The following RNF207 variants were observed in gnomAD, a reference collection of about 807,000 sequenced individuals.
RNF207 encodes the protein OTTHUMG00000001089.
Under a neutral mutation model 79.0 loss-of-function variants are expected in RNF207, and 72 were observed. The observed-to-expected ratio is 0.91, with a 90% confidence interval of 0.75 to 1.11. The LOEUF is 1.11. Ranked by LOEUF, RNF207 falls within the 50% of genes least tolerant of loss-of-function variation. The pLI, the probability that RNF207 is intolerant of heterozygous loss-of-function variation, is 0.00. For synonymous variants in RNF207, 348 were observed against 366.2 expected, an observed-to-expected ratio of 0.95 and a Z score of 0.57; for missense variants, 936 against 855.8, an observed-to-expected ratio of 1.09 and a Z score of -1.17.
In RNF207 at chr1:6,211,548, C is replaced by T. The variant is rs1668166908; in HGVS notation, c.1110-319C>T. ...TGTGTGTGTCCAGGGGCCCCAAGAC[C>T]AAGAGAGACTGGGCCCACACTTCCT... On this transcript the variant is annotated intron_variant, in intron 12 of 17. Transcript: ENST00000377939. This position sits in a 1 kb window ranked among gnomAD's most constrained non-coding sequence, Gnocchi z 4.2. Among the ~76,000 whole-genome samples the T allele has an allele frequency of 6.6e-6, 1 of 152,148 alleles. No individual in the cohort carries two copies. The highest frequency in any genetic ancestry group is 1.5e-5 in the Non-Finnish European group (1 of 68,002).
intron 16 of RNF207, among the ~76,000 whole-genome samples, chr1:6,216,795 C>T (rs1176135990): frequency 6.6e-6 from 1 of 151,050 alleles, no homozygotes; most frequent in African/African-American, 2.4e-5. Context: ...GTCTCGATCT[C>T]CTGACCTCGT....
chr1:6,210,836 C>G, intron 10 of RNF207, 34 bp from the exon 11 acceptor site: 2 of 1,564,198 alleles, frequency 1.3e-6, no homozygotes, highest in African/African-American at 2.7e-5. Flanking sequence ...GCTGCCACAC[C>G]TCCACCGGCC....
chr1:6,215,326 C>T (rs1245762405), intron 16 of RNF207, among the ~76,000 whole-genome samples: 1 of 147,722 alleles, frequency 6.8e-6, no homozygotes, highest in African/African-American at 2.6e-5. Context: ...CTGCACCCGG[C>T]CCCCCTTTTT....
At chr1:6,212,547 T>C in intron 14 of RNF207, 131 bp downstream of exon 14, 3 of 1,235,200 alleles carry the variant, frequency 2.4e-6, no homozygotes, top group Non-Finnish European at 3.5e-6. Context: ...GTCTGGAAAC[T>C]GGGAGTCTTT....
Position 6,209,516 on chromosome 1 carries a change from C to A in RNF207, c.730C>A (p.His244Asn). 1.4e-6 allele frequency: 2 copies of A among 1,471,604 alleles called. No individual in the cohort carries two copies. The highest frequency in any genetic ancestry group is 2.8e-5 in the South Asian group (2 of 70,312). The allele number at this position is 1,471,604 out of a possible 1,614,324, so 91.2% of individuals were successfully genotyped here. ...HSAAEEEDAI[H>N]ALFGSMQDRL... ...CGCCGCCGAGGAGGAGGACGCTATC[C>A]ACGCCCTCTTCGGCAGCATGCAGGT... The change falls in exon 7 of 18, where the codon CAC becomes AAC. Residue 244 changes from histidine (H) to asparagine (N), a missense_variant. Transcript: ENST00000377939.
intron 14 of RNF207, 126 bp downstream of exon 14, chr1:6,212,542 G>C: frequency 1.6e-6 from 2 of 1,242,286 alleles, no homozygotes; most frequent in South Asian, 2.6e-5. Context: ...GCAGGGTCTG[G>C]AAACTGGGAG....
chr1:6,218,331 C>T lies in RNF207; in HGVS notation c.1695C>T (p.Asn565=), dbSNP rs878884918. ...ATGAGCAGTCAGAGAGTCTACAGAA[C>T]ACGCACGACGACAGCAGGAACAACG... ...PVDEQSESLQ[N]THDDSRNNAA... is the part of the protein sequence containing the mutation. Residue 565 remains asparagine, a synonymous_variant, in exon 17 of 18, where the codon AAC becomes AAT. Coordinates refer to ENST00000377939, the MANE Select transcript of RNF207 (RefSeq NM_207396.3). 6.2e-7 allele frequency: 1 copy of T among 1,614,060 alleles called. No individual in the cohort carries two copies. Among genetic ancestry groups the T allele is most frequent in the South Asian group, 1.1e-5 (1 of 91,084 alleles).
At position 6,211,030 on chromosome 1, in the gene RNF207, G is replaced by C. The variant is rs1470034373; in HGVS notation, c.1021G>C (p.Asp341His). The change falls in exon 12 of 18, where the codon GAC becomes CAC. Residue 341 changes from aspartate (D) to histidine (H), a missense_variant. Asp to His is a moderately conservative substitution (Grantham distance 81, BLOSUM62 -1). Transcript: ENST00000377939. This position sits in a 1 kb window ranked among gnomAD's most constrained non-coding sequence, Gnocchi z 4.2. Reference protein sequence around the residue: ...RPIQSSKIASDHRAEFARCLE... With the variant: ...RPIQSSKIASHHRAEFARCLE... Reference sequence around the variant, plus strand: ...CCATCCCGCTGCCCAGATTGCCAGTGACCACCGAGCTGAATTCGCGCGCTG... The same window carrying C: ...CCATCCCGCTGCCCAGATTGCCAGTCACCACCGAGCTGAATTCGCGCGCTG... 6.2e-7 allele frequency: 1 copy of C among 1,609,482 alleles called. No homozygotes were observed. The highest frequency in any genetic ancestry group is 8.5e-7 in the Non-Finnish European group (1 of 1,178,810).
At position 6,215,730 on chromosome 1, in the gene RNF207, A is replaced by G. The variant is rs190661016; in HGVS notation, c.1652+2547A>G. Among the ~76,000 whole-genome samples, 108 of 152,034 alleles carry G rather than the reference A, an allele frequency of 7.1e-4. No individual in the cohort carries two copies. In the Middle Eastern group the frequency reaches 0.031, roughly 43 times the overall value. On this transcript the variant is annotated intron_variant, in intron 16 of 17. Transcript: ENST00000377939. ...GGCTGGAGTGCAATGGCGCCATCTC[A>G]GCTCTCACTGCAGCCTCCACCTCCC...
Position 6,219,428 on chromosome 1 carries a change from G to A in RNF207, c.*21G>A. On this transcript the variant is annotated 3_prime_UTR_variant, in exon 18 of 18. Transcript: ENST00000377939. ...CTTAGCAAATGGGACCGGTCCCCAGGGTCAGGCTCTTAGAGCAGGCACAAG... is the reference window on the plus strand; with the variant it reads ...CTTAGCAAATGGGACCGGTCCCCAGAGTCAGGCTCTTAGAGCAGGCACAAG... 1 of 1,571,596 alleles carries A rather than the reference G, an allele frequency of 6.4e-7. No homozygotes were observed. The highest frequency in any genetic ancestry group is 1.8e-5 in the Admixed American group (1 of 55,556).
intron 7 of RNF207, 34 bp from the exon 8 acceptor site, chr1:6,209,890 C>A (rs1236093039): frequency 6.4e-7 from 1 of 1,558,402 alleles, no homozygotes; most frequent in South Asian, 1.2e-5. Context: ...AGGGCTGGGG[C>A]GCAAATCAAG....
chr1:6,209,857 G>T, intron 7 of RNF207, 67 bp from the exon 8 acceptor site: 3 of 1,508,684 alleles, frequency 2.0e-6, no homozygotes, highest in Non-Finnish European at 2.7e-6. Flanking sequence ...GGGGTCCGGG[G>T]GGTAGGCATG....
chr1:6,212,065 G>A lies in RNF207; in HGVS notation c.1296+12G>A, dbSNP rs747901333. On this transcript the variant is annotated intron_variant, in intron 13 of 17. Transcript: ENST00000377939. Reference sequence around the variant, plus strand: ...AGGACTCCTACCGGGTGAGGGGGCAGGGATCTGCCGGAGGGGGGAGATGTC... The same window carrying A: ...AGGACTCCTACCGGGTGAGGGGGCAAGGATCTGCCGGAGGGGGGAGATGTC... 1.0e-5 allele frequency: 16 copies of A among 1,582,584 alleles called. No individual in the cohort carries two copies. The highest frequency in any genetic ancestry group is 9.4e-6 in the Non-Finnish European group (11 of 1,164,622).
intron 15 of RNF207, 72 bp from the exon 16 acceptor site, chr1:6,212,994 C>A: frequency 2.9e-6 from 3 of 1,040,722 alleles, no homozygotes; most frequent in Non-Finnish European, 3.0e-6. Context: ...TTACGTGGTG[C>A]CTGGCTTGAG....
Position 6,217,543 on chromosome 1 carries a change from C to G in RNF207, c.1653-746C>G, listed in dbSNP as rs1310567831. On this transcript the variant is annotated intron_variant, in intron 16 of 17. Coordinates refer to ENST00000377939, the MANE Select transcript of RNF207 (RefSeq NM_207396.3). The surrounding 1 kb of genome is among the most constrained non-coding windows in gnomAD (Gnocchi z 4.2). ...ACGTCCTCCCGCAGACATGCTATTC[C>G]CATCTCCCCATCTCAGTGAATAGCA... Among the ~76,000 whole-genome samples, 1 of 152,168 alleles carries G rather than the reference C, an allele frequency of 6.6e-6. No individual in the cohort carries two copies. The highest frequency in any genetic ancestry group is 2.4e-5 in the African/African-American group (1 of 41,438).
At chr1:6,206,462 C>G (rs61760805) in intron 1 of RNF207, 74 bp from the exon 2 acceptor site, 21 of 1,207,534 alleles carry the variant, frequency 1.7e-5, no homozygotes, top group Middle Eastern at 2.8e-4. Flanking sequence ...CGCGGGCGCC[C>G]GGGCAGAGGG....
At position 6,219,321 on chromosome 1, in the gene RNF207, G is replaced by A. The variant is rs1421165427; in HGVS notation, c.1819G>A (p.Glu607Lys). The A allele has an allele frequency of 6.2e-7, 1 of 1,613,602 alleles. No homozygotes were observed. The highest frequency in any genetic ancestry group is 1.1e-5 in the South Asian group (1 of 91,046). Residue 607 changes from glutamate (E) to lysine (K), a missense_variant, in exon 18 of 18, where the codon GAG (glutamate) becomes AAG (lysine). Transcript: ENST00000377939. Reference protein sequence around the residue: ...NSWAPNGLSEEPLLKNMDHHR... With the variant: ...NSWAPNGLSEKPLLKNMDHHR... ...CTGGGCTCCGAACGGCCTCTCAGAA[G>A]AGCCTCTACTGAAAAATATGGATCA... is the stretch of plus-strand genomic sequence containing the variant.
chr1:6,219,258 GA>G lies in RNF207; in HGVS notation c.1760del (p.Lys587ArgfsTer24). ...SARNNPGSVP[E>X]KREKTSEPKG... ...TAGGAATAATCCAGGAAGTGTCCCG[GA>G]AAAGAGAGAGAAGACATCAGAGCCT... On this transcript the variant is annotated frameshift_variant, in exon 18 of 18. Coordinates refer to ENST00000377939, the MANE Select transcript of RNF207 (RefSeq NM_207396.3). LOFTEE classifies it low-confidence loss of function (END_TRUNC). The G allele has an allele frequency of 6.2e-7, 1 of 1,611,826 alleles. No individual in the cohort carries two copies. The highest frequency in any genetic ancestry group is 1.7e-5 in the Admixed American group (1 of 59,492).
At position 6,217,594 on chromosome 1, in the gene RNF207, G is replaced by A. The variant is rs1214142722; in HGVS notation, c.1653-695G>A. Reference sequence around the variant, plus strand: ...CCACATTCACTCAGGTGAAAAGCCTGGGAGAAAGCCTGGATTCCTTTCACC... The same window carrying A: ...CCACATTCACTCAGGTGAAAAGCCTAGGAGAAAGCCTGGATTCCTTTCACC... On this transcript the variant is annotated intron_variant, in intron 16 of 17. Transcript: ENST00000377939. This position sits in a 1 kb window ranked among gnomAD's most constrained non-coding sequence, Gnocchi z 4.2. Among the ~76,000 whole-genome samples, 1 of 152,120 alleles carries A rather than the reference G, an allele frequency of 6.6e-6. No individual in the cohort carries two copies. The highest frequency in any genetic ancestry group is 1.5e-5 in the Non-Finnish European group (1 of 68,020).
Sources: allele counts gnomAD v4.1 joint callset (sites outside exome capture counted in the v4.1 genomes callset), GRCh38; gene constraint gnomAD v4.1.1; non-coding constraint Gnocchi (gnomAD v3.1); transcripts MANE v1.5; gene names NCBI Gene and HGNC (gene_info 2026-07-23, HGNC 2026-07-21).